The following NOS1 variants were observed in gnomAD, a reference collection of about 807,000 sequenced individuals.
NOS1 encodes nitric oxide synthase 1.
In NOS1, 51 loss-of-function variants were observed where a neutral mutation model predicts 164.5. That is an observed-to-expected ratio of 0.31 (90% CI 0.25 to 0.39). The LOEUF (loss-of-function observed/expected upper bound fraction) is 0.39, where lower values mean the gene tolerates loss of function less well. Among genes scored for constraint, NOS1 ranks in the 10% least tolerant of loss-of-function variants. The pLI is 1.00. For synonymous variants in NOS1, 719 were observed against 745.8 expected (o/e 0.96, Z 0.59); for missense variants, 1,362 against 1,885.6 (o/e 0.72, Z 5.14).
At chr12:117,219,950 G>A in intron 27 of NOS1, 125 bp downstream of exon 27, 1 of 900,216 alleles carries the variant, frequency 1.1e-6, no homozygotes, top group Admixed American at 2.3e-5. Context: ...TCAGTGGTAA[G>A]TGCAACGAAT....
rs772240974 is a variant in NOS1, at chr12:117,234,647, G to A, written c.3153C>T (p.Ala1051=). Residue 1051 remains alanine, a synonymous_variant, in exon 21 of 29, where the codon GCC becomes GCT. Coordinates refer to ENST00000317775, the MANE Select transcript of NOS1 (RefSeq NM_000620.5). This position sits in a 1 kb window ranked among gnomAD's most constrained non-coding sequence, Gnocchi z 4.3. The part of the protein sequence containing the change: ...FPGNHEDLVN[A]LIERLEDAPP... ...GCGCGTCCTCCAGCCGCTCGATCAG[G>A]GCATTCACGAGGTCCTCGTGGTTGC... is the stretch of plus-strand genomic sequence containing the variant. The A allele has an allele frequency of 9.3e-6, 15 of 1,614,056 alleles. No individual in the cohort carries two copies. Among genetic ancestry groups the A allele is most frequent in the African/African-American group, 1.3e-5 (1 of 74,930 alleles).
chr12:117,344,242 T>C (rs776165128), intron 1 of NOS1, among the ~76,000 whole-genome samples: 7 of 152,214 alleles, frequency 4.6e-5, no homozygotes, highest in African/African-American at 1.2e-4. Flanking sequence ...CACAATATAA[T>C]TGACTTTCTT....
rs551536322 is a variant in NOS1, at chr12:117,329,060, T to C, written c.725+1285A>G. Among the ~76,000 whole-genome samples the C allele has an allele frequency of 7.7e-4, 118 of 152,322 alleles. 1 individual carries two copies. Among genetic ancestry groups the C allele is most frequent in the African/African-American group, 2.7e-3 (112 of 41,578 alleles). On this transcript the variant is annotated intron_variant, in intron 2 of 28. Transcript: ENST00000317775. ...ACAGTAACAATACAGTTTTATAATC[T>C]AATGGGATCCCTGATACATAAGCGG...
chr12:117,217,355 C>T (rs1358456847), intron 28 of NOS1, among the ~76,000 whole-genome samples: 1 of 152,102 alleles, frequency 6.6e-6, no homozygotes, highest in East Asian at 1.9e-4. Context: ...TGCCCTAAAT[C>T]TGATGCTAAA....
At chr12:117,217,961 C>T (rs986361517) in intron 28 of NOS1, 85 bp downstream of exon 28, 21 of 978,650 alleles carry the variant, frequency 2.1e-5, no homozygotes, top group African/African-American at 1.9e-4. Flanking sequence ...GGGACCCTGC[C>T]GTGGGAAAGC....
intron 1 of NOS1, among the ~76,000 whole-genome samples, chr12:117,351,663 A>G (rs61068417): frequency 0.019 from 2,857 of 152,328 alleles, 94 homozygotes; most frequent in African/African-American, 0.065. Context: ...CAACCTTGCC[A>G]AGAAACTGAT....
chr12:117,253,309 C>T (rs535954302), intron 17 of NOS1, among the ~76,000 whole-genome samples: 4 of 151,940 alleles, frequency 2.6e-5, no homozygotes, highest in East Asian at 1.9e-4. Context: ...AAGTATACAC[C>T]GTAGCTATTG....
intron 11 of NOS1, 30 bp downstream of exon 11, chr12:117,268,013 T>C: frequency 6.7e-7 from 1 of 1,490,912 alleles, no homozygotes; most frequent in Non-Finnish European, 9.3e-7. Flanking sequence ...ATTTGAAGCT[T>C]GACCCTGGTG....
chr12:117,246,967 G>A (rs1293148263), intron 18 of NOS1, among the ~76,000 whole-genome samples: 1 of 152,094 alleles, frequency 6.6e-6, no homozygotes, highest in Non-Finnish European at 1.5e-5. Flanking sequence ...AGTACAAGAG[G>A]GGTAGGCGTG....
chr12:117,247,733 T>A (rs1870739290), intron 17 of NOS1, among the ~76,000 whole-genome samples: 1 of 152,036 alleles, frequency 6.6e-6, no homozygotes, highest in Non-Finnish European at 1.5e-5. Context: ...ATTAGTGTCC[T>A]TATAAGAAGA....
chr12:117,263,019 C>G (rs544393268), intron 13 of NOS1, among the ~76,000 whole-genome samples: 2 of 152,258 alleles, frequency 1.3e-5, no homozygotes, highest in African/African-American at 4.8e-5. Context: ...TTCCAGGAAC[C>G]ATTCCTCGAT....
In NOS1 at chr12:117,271,901, C is replaced by A. The variant is rs1240798090; in HGVS notation, c.1839+484G>T. 2.0e-5 allele frequency among the ~76,000 whole-genome samples: 3 copies of A among 152,216 alleles called. No individual in the cohort carries two copies. In the East Asian group the frequency reaches 5.8e-4, roughly 29 times the overall value. On this transcript the variant is annotated intron_variant, in intron 10 of 28. Transcript: ENST00000317775. ...GGGGAACCACTGCCAACCCTCCTCC[C>A]TTGTTTTTTAGAAAAGACACTAAAT... is the stretch of plus-strand genomic sequence containing the variant.
chr12:117,294,448 C>T (rs546979014), intron 3 of NOS1, among the ~76,000 whole-genome samples: 6 of 152,214 alleles, frequency 3.9e-5, no homozygotes, highest in South Asian at 2.1e-4. Flanking sequence ...GAGTGCGAGC[C>T]GTGCCACCCT....
At position 117,234,578 on chromosome 12, in the gene NOS1, C is replaced by T. The variant is rs745750092; in HGVS notation, c.3222G>A (p.Arg1074=). The T allele has an allele frequency of 1.7e-5, 28 of 1,613,672 alleles. No homozygotes were observed. The highest frequency in any genetic ancestry group is 1.1e-4 in the East Asian group (5 of 44,874). The change falls in exon 21 of 29, where the codon CGG becomes CGA. Residue 1074 remains arginine, a synonymous_variant. Coordinates refer to ENST00000317775, the MANE Select transcript of NOS1 (RefSeq NM_000620.5). This position sits in a 1 kb window ranked among gnomAD's most constrained non-coding sequence, Gnocchi z 4.3. ...QMVKVELLEE[R]NTALGVISNW... ...CGGGAATGTTACCTAAAGCCGTGTTCCGCTCCTCCAGCAGTTCCACTTTCA... is the reference window on the plus strand; with the variant it reads ...CGGGAATGTTACCTAAAGCCGTGTTTCGCTCCTCCAGCAGTTCCACTTTCA...
At chr12:117,308,214 C>G (rs981051320) in intron 3 of NOS1, among the ~76,000 whole-genome samples, 1 of 151,106 alleles carries the variant, frequency 6.6e-6, no homozygotes, top group Non-Finnish European at 1.5e-5. Flanking sequence ...GATTGTTGCC[C>G]CATAAGAATA....
At chr12:117,332,693 C>T (rs1339201926) in intron 1 of NOS1, among the ~76,000 whole-genome samples, 2 of 152,114 alleles carry the variant, frequency 1.3e-5, no homozygotes, top group Non-Finnish European at 2.9e-5. Flanking sequence ...GGTGAAACTT[C>T]GTCTCTACTA....
intron 3 of NOS1, among the ~76,000 whole-genome samples, chr12:117,291,380 C>A (rs866061851): frequency 4.6e-5 from 7 of 152,030 alleles, no homozygotes; most frequent in South Asian, 2.1e-4. Flanking sequence ...TGGAAAGAAA[C>A]CATGGAAGAG....
intron 27 of NOS1, among the ~76,000 whole-genome samples, chr12:117,218,444 C>T (rs1341040412): frequency 6.6e-6 from 1 of 152,046 alleles, no homozygotes; most frequent in South Asian, 2.1e-4. Flanking sequence ...TTGGTGGATT[C>T]TCAGGTGAAA....
intron 20 of NOS1, among the ~76,000 whole-genome samples, chr12:117,235,068 C>A (rs184240419): frequency 1.1e-3 from 160 of 152,110 alleles, no homozygotes; most frequent in African/African-American, 3.7e-3. Context: ...TAGGCAGGCA[C>A]CGTCATGCCT....
Sources: allele counts gnomAD v4.1 joint callset (sites outside exome capture counted in the v4.1 genomes callset), GRCh38; gene constraint gnomAD v4.1.1; non-coding constraint Gnocchi (gnomAD v3.1); transcripts MANE v1.5; gene names NCBI Gene and HGNC (gene_info 2026-07-23, HGNC 2026-07-21).